Variants in RMP64 observed in about 807,000 individuals in gnomAD.
RMP64 encodes the protein nucleolus and neural progenitor protein.
At chr3:113,011,158 C>T in the RMP64 span, 1 of 1,613,644 alleles carries the variant, frequency 6.2e-7, no homozygotes, top group East Asian at 2.2e-5. Flanking sequence ...TTCACTGGCT[C>T]TTGGTGACTG....
chr3:113,008,480 T>TCC, the RMP64 span: 1 of 1,473,878 alleles, frequency 6.8e-7, no homozygotes, highest in Non-Finnish European at 9.4e-7. Context: ...TACTGACTTG[T>TCC]AATTATATGA....
chr3:113,008,651 C>G, the RMP64 span: 1 of 359,910 alleles, frequency 2.8e-6, no homozygotes, highest in Non-Finnish European at 5.0e-6. Flanking sequence ...TACGTACCCA[C>G]AAAACCTAAA....
chr3:113,004,284 G>A, the RMP64 span: 1 of 152,178 alleles, frequency 6.6e-6, no homozygotes, highest in African/African-American at 2.4e-5. Flanking sequence ...TGGGCTCCAT[G>A]TTAAAAATGC....
the RMP64 span, among the ~76,000 whole-genome samples, chr3:113,013,775 T>C: frequency 1.3e-5 from 2 of 152,176 alleles, no homozygotes; most frequent in Non-Finnish European, 2.9e-5. Flanking sequence ...GTCACTCCCA[T>C]AGATCAATGT....
the RMP64 span, among the ~76,000 whole-genome samples, chr3:113,009,285 C>A: frequency 7.9e-5 from 12 of 151,754 alleles, no homozygotes; most frequent in Non-Finnish European, 1.2e-4. Flanking sequence ...TCATTCAAAG[C>A]TTACCTTCTT....
the RMP64 span, among the ~76,000 whole-genome samples, chr3:113,009,769 T>A: frequency 6.6e-6 from 1 of 152,204 alleles, no homozygotes; most frequent in African/African-American, 2.4e-5. Context: ...TATAATTACA[T>A]GACTTCATGC....
the RMP64 span, chr3:113,014,166 T>C: frequency 1.7e-6 from 1 of 595,620 alleles, no homozygotes; most frequent in East Asian, 3.0e-5. Context: ...ACCTTATTTT[T>C]TTTCAGGGTA....
chr3:113,011,478 AT>A, the RMP64 span: 1 of 1,348,280 alleles, frequency 7.4e-7, no homozygotes, highest in Admixed American at 2.3e-5. Flanking sequence ...AAACTGCAAG[AT>A]TGAAAGCTGA....
the RMP64 span, chr3:113,008,147 A>T: frequency 2.5e-6 from 4 of 1,597,970 alleles, no homozygotes; most frequent in Non-Finnish European, 3.4e-6. Flanking sequence ...AAGTAAAGTA[A>T]CATAATTTTT....
chr3:113,006,623 G>T, the RMP64 span, among the ~76,000 whole-genome samples: 4 of 152,182 alleles, frequency 2.6e-5, no homozygotes, highest in African/African-American at 9.7e-5. Context: ...CTGCCACAAG[G>T]TTCATCAGTG....
At chr3:113,008,371 A>T in the RMP64 span, 1 of 1,613,400 alleles carries the variant, frequency 6.2e-7, no homozygotes, top group Non-Finnish European at 8.5e-7. Flanking sequence ...TCACTTTCTG[A>T]GAAGAATACT....
the RMP64 span, chr3:113,008,443 A>T: frequency 6.3e-7 from 1 of 1,597,912 alleles, no homozygotes; most frequent in Non-Finnish European, 8.6e-7. Context: ...GAAACGTGGA[A>T]AGATGAGAAA....
the RMP64 span, chr3:113,003,924 G>A: frequency 6.6e-6 from 1 of 152,166 alleles, no homozygotes; most frequent in African/African-American, 2.4e-5. Context: ...TTAGGGGACT[G>A]GGTGCATGAA....
the RMP64 span, chr3:113,013,452 TTTTTTTTTTG>T: frequency 8.0e-6 from 10 of 1,254,234 alleles, no homozygotes; most frequent in African/African-American, 9.9e-5. Context: ...AAAAAAAGGG[TTTTTTTTTTG>T]TTTTTTTTTT....
the RMP64 span, among the ~76,000 whole-genome samples, chr3:113,017,956 G>A: frequency 6.6e-6 from 1 of 152,132 alleles, no homozygotes; most frequent in Non-Finnish European, 1.5e-5. Flanking sequence ...TTGAAGGTAG[G>A]GCACATGTCA....
the RMP64 span, among the ~76,000 whole-genome samples, chr3:113,016,295 G>A: frequency 8.5e-5 from 13 of 152,202 alleles, no homozygotes; most frequent in Non-Finnish European, 2.9e-5. Context: ...CTTAGGAAAA[G>A]CTGAAGGAGG....
At chr3:113,017,970 C>T in the RMP64 span, among the ~76,000 whole-genome samples, 1 of 152,180 alleles carries the variant, frequency 6.6e-6, no homozygotes, top group South Asian at 2.1e-4. Flanking sequence ...CATGTCACAA[C>T]ATGTGTAATA....
At chr3:113,003,327 A>C in the RMP64 span, 1 of 152,166 alleles carries the variant, frequency 6.6e-6, no homozygotes, top group South Asian at 2.1e-4. Context: ...GGGCAACAGC[A>C]CAAGACTCTG....
At chr3:113,019,435 T>C in the RMP64 span, 3 of 876,868 alleles carry the variant, frequency 3.4e-6, no homozygotes, top group African/African-American at 1.7e-5. Flanking sequence ...CTTCCCAGCG[T>C]CCCCCGGGCC....
Sources: gnomAD v4.1 joint callset for allele counts (sites outside exome capture counted in the v4.1 genomes callset) on GRCh38, gnomAD v4.1.1 for gene constraint, MANE v1.5 for transcripts, NCBI Gene and HGNC (gene_info 2026-07-23, HGNC 2026-07-21) for gene names.